Variants in SAXO1 observed in about 807,000 individuals in gnomAD.
SAXO1 encodes stabilizer of axonemal microtubules 1.
SAXO1 carries 21 observed loss-of-function variants against 17.5 expected under a neutral mutation model. The observed-to-expected ratio is 1.20, with a 90% CI of 0.85 to 1.72. The LOEUF (loss-of-function observed/expected upper bound fraction) is 1.72. Among genes scored for constraint, SAXO1 ranks in the 40% most tolerant of loss-of-function variants. The pLI, the probability that SAXO1 is intolerant of heterozygous loss-of-function variation, is 0.00. For missense variants in SAXO1, 843 were observed against 596.0 expected, an observed-to-expected ratio of 1.41 and a Z score of -4.32; for synonymous variants, 274 against 216.5, an observed-to-expected ratio of 1.27 and a Z score of -2.33.
chr9:18,956,162 G>T (rs147638958), intron 1 of SAXO1, among the ~76,000 whole-genome samples: 4 of 148,346 alleles, frequency 2.7e-5, no homozygotes, highest in African/African-American at 1.0e-4. Context: ...TGTTGCCCAG[G>T]CTGGTCTCAA....
At chr9:18,945,303 T>C (rs1831743234) in intron 2 of SAXO1, among the ~76,000 whole-genome samples, 1 of 152,174 alleles carries the variant, frequency 6.6e-6, no homozygotes, top group Non-Finnish European at 1.5e-5. Context: ...CTTATCCCAC[T>C]GTGGTTGTTC....
chr9:18,958,842 A>G (rs543869994), intron 1 of SAXO1, among the ~76,000 whole-genome samples: 1 of 140,998 alleles, frequency 7.1e-6, no homozygotes, highest in East Asian at 2.1e-4. Flanking sequence ...GAAGCCATAA[A>G]AATATGAATG....
At chr9:18,960,718 C>A (rs1201166760) in intron 1 of SAXO1, among the ~76,000 whole-genome samples, 23 of 152,112 alleles carry the variant, frequency 1.5e-4, no homozygotes, top group Non-Finnish European at 8.8e-5. Flanking sequence ...AGGGTTGAGA[C>A]TGCAGTGAGC....
chr9:18,956,113 T>TCA (rs1563942081), intron 1 of SAXO1, among the ~76,000 whole-genome samples: 2 of 132,966 alleles, frequency 1.5e-5, no homozygotes. Flanking sequence ...CTGGCTAATT[T>TCA]TTTTTTTTTT....
chr9:19,004,449 A>T (rs1460418660), intron 1 of SAXO1, among the ~76,000 whole-genome samples: 1 of 152,240 alleles, frequency 6.6e-6, no homozygotes, highest in Non-Finnish European at 1.5e-5. Flanking sequence ...CACAATAGCA[A>T]AGACTTGGAA....
intron 1 of SAXO1, among the ~76,000 whole-genome samples, chr9:19,038,759 TAA>T (rs538521108): frequency 7.0e-6 from 1 of 143,422 alleles, no homozygotes; most frequent in East Asian, 2.0e-4. Context: ...AGTATAATAA[TAA>T]AAAAAAAAGA....
At chr9:18,995,408 G>T (rs185100322) in intron 1 of SAXO1, among the ~76,000 whole-genome samples, 1 of 152,170 alleles carries the variant, frequency 6.6e-6, no homozygotes, top group Non-Finnish European at 1.5e-5. Flanking sequence ...AGCCCAAAGC[G>T]GTTAAAAAGT....
At chr9:19,001,404 A>G (rs1834257660) in intron 1 of SAXO1, among the ~76,000 whole-genome samples, 1 of 152,128 alleles carries the variant, frequency 6.6e-6, no homozygotes, top group African/African-American at 2.4e-5. Flanking sequence ...GCGGTGGCTC[A>G]CACCTGTAAT....
At chr9:19,040,234 A>G (rs1469827005) in intron 1 of SAXO1, among the ~76,000 whole-genome samples, 1 of 152,224 alleles carries the variant, frequency 6.6e-6, no homozygotes, top group Non-Finnish European at 1.5e-5. Flanking sequence ...ATTTTTGTTA[A>G]GAAACAGCAA....
At chr9:18,993,404 C>T (rs138438370) in intron 1 of SAXO1, among the ~76,000 whole-genome samples, 33 of 152,142 alleles carry the variant, frequency 2.2e-4, no homozygotes, top group Non-Finnish European at 3.8e-4. Flanking sequence ...TGCTATGTGG[C>T]CAGCACTGCG....
intron 3 of SAXO1, among the ~76,000 whole-genome samples, chr9:18,933,842 C>T (rs564988773): frequency 7.2e-5 from 11 of 152,214 alleles, no homozygotes; most frequent in South Asian, 4.2e-4. Flanking sequence ...GTCAGGAGAT[C>T]AAGACCATCC....
chr9:19,013,706 C>G (rs1417952482), intron 1 of SAXO1, among the ~76,000 whole-genome samples: 2 of 151,940 alleles, frequency 1.3e-5, no homozygotes, highest in Admixed American at 6.6e-5. Flanking sequence ...ATCACCATGC[C>G]TGGCTAATTT....
At chr9:18,956,743 C>T (rs1832272639) in intron 1 of SAXO1, among the ~76,000 whole-genome samples, 1 of 152,170 alleles carries the variant, frequency 6.6e-6, no homozygotes, top group African/African-American at 2.4e-5. Flanking sequence ...AATGCCTAGC[C>T]CTGTCCAAAG....
chr9:19,044,849 C>G (rs193051644), intron 1 of SAXO1, among the ~76,000 whole-genome samples: 1 of 151,382 alleles, frequency 6.6e-6, no homozygotes, highest in South Asian at 2.1e-4. Context: ...GGTGAGAGTG[C>G]GAGACTCCGT....
At chr9:18,991,216 C>T (rs1002962242) in intron 1 of SAXO1, among the ~76,000 whole-genome samples, 1 of 152,142 alleles carries the variant, frequency 6.6e-6, no homozygotes, top group Non-Finnish European at 1.5e-5. Context: ...CAAGATTGCA[C>T]CACTACACTC....
intron 1 of SAXO1, among the ~76,000 whole-genome samples, chr9:19,041,576 T>A (rs60405452): frequency 1.5e-3 from 224 of 152,238 alleles, no homozygotes; most frequent in African/African-American, 5.3e-3. Flanking sequence ...CAAAACAGCA[T>A]GGTACTAGCA....
chr9:18,989,496 T>C, intron 1 of SAXO1, among the ~76,000 whole-genome samples: 1 of 152,152 alleles, frequency 6.6e-6, no homozygotes. Context: ...ATTTAATGTA[T>C]ACAGATGACC....
At chr9:19,021,633 G>C (rs986845331) in intron 1 of SAXO1, among the ~76,000 whole-genome samples, 3 of 152,226 alleles carry the variant, frequency 2.0e-5, no homozygotes, top group African/African-American at 4.8e-5. Flanking sequence ...CACAAAGCTT[G>C]TAAGTAATTA....
chr9:18,957,967 T>C (rs1327238506), intron 1 of SAXO1, among the ~76,000 whole-genome samples: 2 of 152,194 alleles, frequency 1.3e-5, no homozygotes, highest in African/African-American at 4.8e-5. Context: ...ATAACAACTT[T>C]TGGACATAGA....
Sources: gnomAD v4.1 joint callset for allele counts (sites outside exome capture counted in the v4.1 genomes callset) on GRCh38, gnomAD v4.1.1 for gene constraint, MANE v1.5 for transcripts, NCBI Gene and HGNC (gene_info 2026-07-23, HGNC 2026-07-21) for gene names.